LOC128125822: variants seen among roughly 807,000 people sequenced by gnomAD.
chr6:63,578,603 A>G, the LOC128125822 span: 132 of 1,530,332 alleles, frequency 8.6e-5, 1 homozygote, highest in African/African-American at 1.5e-3. Context: ...AATTCAAATA[A>G]ATATCTATTT....
the LOC128125822 span, chr6:63,573,573 C>G: frequency 6.6e-6 from 1 of 152,202 alleles, no homozygotes; most frequent in Non-Finnish European, 1.5e-5. Flanking sequence ...GGGCATTCCG[C>G]GAGCTGCACC....
chr6:63,572,517 G>C, the LOC128125822 span: 2 of 391,210 alleles, frequency 5.1e-6, no homozygotes. Flanking sequence ...GCTGCGGGCC[G>C]GCTCGGCTAC....
chr6:63,581,142 A>AT, the LOC128125822 span: 1,599 of 150,156 alleles, frequency 0.011, 8 homozygotes, highest in Non-Finnish European at 0.012. Flanking sequence ...TGAAAGTGTG[A>AT]TTTTTTTTTT....
At chr6:63,575,681 T>C in the LOC128125822 span, among the ~76,000 whole-genome samples, 1 of 152,222 alleles carries the variant, frequency 6.6e-6, no homozygotes, top group African/African-American at 2.4e-5. Flanking sequence ...ATTAAAATTA[T>C]GAATATTTTC....
the LOC128125822 span, chr6:63,579,027 A>G: frequency 6.4e-7 from 1 of 1,573,156 alleles, no homozygotes; most frequent in Non-Finnish European, 8.6e-7. Context: ...AGGCCTTGGG[A>G]GGTAAATGAA....
chr6:63,580,897 T>C, the LOC128125822 span: 1 of 152,598 alleles, frequency 6.6e-6, no homozygotes, highest in Non-Finnish European at 1.5e-5. Context: ...ATGTTTGCAC[T>C]CTGAGGTGCA....
the LOC128125822 span, chr6:63,578,664 C>T: frequency 7.7e-7 from 1 of 1,306,102 alleles, no homozygotes; most frequent in Non-Finnish European, 1.0e-6. Flanking sequence ...TATTATTGTG[C>T]AGAATCTTAA....
chr6:63,583,305 CTTAAA>C, the LOC128125822 span: 7 of 152,152 alleles, frequency 4.6e-5, no homozygotes, highest in Admixed American at 1.3e-4. Context: ...TTCTTGCTTC[CTTAAA>C]TTAATATGTT....
At chr6:63,576,354 T>C in the LOC128125822 span, 1 of 396,996 alleles carries the variant, frequency 2.5e-6, no homozygotes, top group East Asian at 3.6e-5. Flanking sequence ...AGTTGTGTAC[T>C]TAAATAGTGT....
At chr6:63,572,524 C>A in the LOC128125822 span, 1 of 390,952 alleles carries the variant, frequency 2.6e-6, no homozygotes, top group African/African-American at 2.1e-5. Context: ...GCCGGCTCGG[C>A]TACGCGCTCT....
chr6:63,578,327 A>G, the LOC128125822 span: 1 of 1,246,210 alleles, frequency 8.0e-7, no homozygotes, highest in Non-Finnish European at 1.0e-6. Flanking sequence ...TCTTTAAATG[A>G]TCTTCTGTTA....
the LOC128125822 span, among the ~76,000 whole-genome samples, chr6:63,575,865 GTC>G: frequency 3.3e-5 from 5 of 152,132 alleles, no homozygotes; most frequent in Admixed American, 3.3e-4. Context: ...ACTTAAATCA[GTC>G]TAAGAAAAGG....
chr6:63,583,480 GA>G, the LOC128125822 span: 1 of 152,196 alleles, frequency 6.6e-6, no homozygotes, highest in Non-Finnish European at 1.5e-5. Flanking sequence ...TGCCTTCAAT[GA>G]ATTAAACCAG....
chr6:63,580,585 CTA>C, the LOC128125822 span: 1 of 159,482 alleles, frequency 6.3e-6, no homozygotes, highest in Admixed American at 6.0e-5. Flanking sequence ...ATCCCAGGAA[CTA>C]TGAACACTAG....
the LOC128125822 span, among the ~76,000 whole-genome samples, chr6:63,575,836 G>A: frequency 1.3e-5 from 2 of 152,068 alleles, no homozygotes; most frequent in Admixed American, 1.3e-4. Flanking sequence ...TAAGGATAAA[G>A]TGAGATTCTA....
chr6:63,582,339 T>G, the LOC128125822 span: 1 of 152,666 alleles, frequency 6.6e-6, no homozygotes, highest in African/African-American at 2.4e-5. Flanking sequence ...TAATGAAAAC[T>G]ATCTTTTGAG....
the LOC128125822 span, among the ~76,000 whole-genome samples, chr6:63,575,687 T>A: frequency 6.6e-6 from 1 of 152,296 alleles, no homozygotes; most frequent in African/African-American, 2.4e-5. Context: ...ATTATGAATA[T>A]TTTCTTTACA....
the LOC128125822 span, among the ~76,000 whole-genome samples, chr6:63,576,158 T>C: frequency 2.6e-5 from 4 of 150,954 alleles, no homozygotes; most frequent in Middle Eastern, 6.9e-3. Context: ...TATATATGAA[T>C]TTCACAAAAA....
chr6:63,572,518 G>T, the LOC128125822 span: 1 of 391,498 alleles, frequency 2.6e-6, no homozygotes, highest in East Asian at 3.6e-5. Flanking sequence ...CTGCGGGCCG[G>T]CTCGGCTACG....
Sources: allele counts gnomAD v4.1 joint callset (sites outside exome capture counted in the v4.1 genomes callset), GRCh38; gene constraint gnomAD v4.1.1; transcripts MANE v1.5.